RXRA: variants seen among roughly 807,000 people sequenced by gnomAD.
RXRA encodes the protein retinoic acid receptor RXR-alpha.
Under a neutral mutation model 44.5 loss-of-function variants are expected in RXRA, and 5 were observed. The observed-to-expected ratio is 0.11, with a 90% CI of 0.06 to 0.24. The LOEUF (loss-of-function observed/expected upper bound fraction) is 0.24, where lower values mean the gene tolerates loss of function less well. Among genes scored for constraint, RXRA ranks in the 10% least tolerant of loss-of-function variants. The pLI is 1.00. For missense variants in RXRA, 412 were observed against 646.5 expected, an observed-to-expected ratio of 0.64 and a Z score of 3.93; for synonymous variants, 291 against 271.4, an observed-to-expected ratio of 1.07 and a Z score of -0.71.
intron 1 of RXRA, among the ~76,000 whole-genome samples, chr9:134,361,782 G>A (rs1052823600): frequency 6.6e-6 from 1 of 152,158 alleles, no homozygotes; most frequent in African/African-American, 2.4e-5. Context: ...GTGACTGGGG[G>A]AGGCAGAATG....
Position 134,440,408 on chromosome 9 carries a change from C to G in RXRA, c.*3794C>G, listed in dbSNP as rs1226979681. On this transcript the variant is annotated 3_prime_UTR_variant, in exon 10 of 10. Transcript: ENST00000481739. ...GTGTCCTGTTGCCGGCTCTGGCCTTCCTGTGACTGACTGTGAAGTGGCTTC... is the reference window on the plus strand; with the variant it reads ...GTGTCCTGTTGCCGGCTCTGGCCTTGCTGTGACTGACTGTGAAGTGGCTTC... 1 of 152,582 alleles carries G rather than the reference C, an allele frequency of 6.6e-6. No homozygotes were observed. Among genetic ancestry groups the G allele is most frequent in the Non-Finnish European group, 1.5e-5 (1 of 68,076 alleles). The allele number at this position is 152,582 out of a possible 1,614,324, so 9.5% of individuals were successfully genotyped here. A position where few individuals can be genotyped will look rare whatever the true frequency, so the allele number is the denominator to read the frequency against.
chr9:134,375,826 C>CT (rs983736330), intron 1 of RXRA, among the ~76,000 whole-genome samples: 5 of 151,986 alleles, frequency 3.3e-5, no homozygotes, highest in African/African-American at 1.2e-4. Flanking sequence ...GTGTTAGTGG[C>CT]TGGGGGATGC....
chr9:134,371,671 G>A (rs1198063460), intron 1 of RXRA, among the ~76,000 whole-genome samples: 1 of 152,236 alleles, frequency 6.6e-6, no homozygotes, highest in Non-Finnish European at 1.5e-5. Context: ...CTGTGGCCTG[G>A]CCCTTGGGGT....
At chr9:134,329,843 A>G (rs1834975803) in intron 1 of RXRA, among the ~76,000 whole-genome samples, 1 of 152,148 alleles carries the variant, frequency 6.6e-6, no homozygotes, top group South Asian at 2.1e-4. Context: ...TCCCCTGGGA[A>G]AGGGTGCCTG....
chr9:134,366,015 GCTGCCTCCACCC>G lies in RXRA; in HGVS notation c.29-35602_29-35591del, dbSNP rs1471907012. Among the ~76,000 whole-genome samples the G allele has an allele frequency of 3.9e-5, 6 of 152,224 alleles. No individual in the cohort carries two copies. Among genetic ancestry groups the G allele is most frequent in the African/African-American group, 7.2e-5 (3 of 41,542 alleles). The stretch of plus-strand genomic sequence containing the variant: ...CAGGAGCCGCGGGGATCATCTGGCG[GCTGCCTCCACCC>G]CTGCCTCCACCCCTCCCTTTTTGGG... On this transcript the variant is annotated intron_variant, in intron 1 of 9. Transcript: ENST00000481739. This position sits in a 1 kb window ranked among gnomAD's most constrained non-coding sequence, Gnocchi z 5.9.
intron 1 of RXRA, among the ~76,000 whole-genome samples, chr9:134,375,621 C>T (rs934752364): frequency 1.7e-4 from 26 of 152,128 alleles, no homozygotes; most frequent in African/African-American, 5.3e-4. Context: ...GCTGGGAACA[C>T]GGGCCAGGGC....
At chr9:134,331,387 G>A (rs1336823253) in intron 1 of RXRA, among the ~76,000 whole-genome samples, 1 of 152,232 alleles carries the variant, frequency 6.6e-6, no homozygotes, top group East Asian at 1.9e-4. Flanking sequence ...TGTGGGGAGA[G>A]CGGGTGCGGA....
chr9:134,332,692 G>A (rs1367267541), intron 1 of RXRA, among the ~76,000 whole-genome samples: 2 of 152,170 alleles, frequency 1.3e-5, no homozygotes, highest in Non-Finnish European at 2.9e-5. Context: ...ATGGGTGCCC[G>A]GAGACTGGGG....
intron 6 of RXRA, chr9:134,422,268 C>G (rs759443108): frequency 1.6e-6 from 2 of 1,288,958 alleles, no homozygotes; most frequent in African/African-American, 3.0e-5. Context: ...GGACGCTCCC[C>G]GCTCCCAGGA....
intron 1 of RXRA, among the ~76,000 whole-genome samples, chr9:134,328,844 T>G (rs1263070247): frequency 2.0e-5 from 3 of 152,236 alleles, no homozygotes; most frequent in African/African-American, 7.2e-5. Flanking sequence ...CCTCCCAGCA[T>G]TCACTACCGC....
In RXRA at chr9:134,401,767, GCTCCCCCAT is replaced by G; in HGVS notation, c.166_174del (p.Ser56_Ile58del). On this transcript the variant is annotated inframe_deletion, in exon 2 of 10. Coordinates refer to ENST00000481739, the MANE Select transcript of RXRA (RefSeq NM_002957.6). ...CTGCATTCTCCCATCAGCACCCTGAGCTCCCCCATCAACGGCATGGGCCCGCCTTTCTCG... is the reference window on the plus strand; with the variant it reads ...CTGCATTCTCCCATCAGCACCCTGAGCAACGGCATGGGCCCGCCTTTCTCG... The G allele has an allele frequency of 6.2e-7, 1 of 1,613,198 alleles. No homozygotes were observed. Among genetic ancestry groups the G allele is most frequent in the Non-Finnish European group, 8.5e-7 (1 of 1,179,952 alleles).
In RXRA at chr9:134,326,580, C is replaced by CGCCCGCCGCCCGCTGCCTGCGCCGCCG. The variant is rs1199072194; in HGVS notation, c.-48_-22dup. On this transcript the variant is annotated 5_prime_UTR_variant, in exon 1 of 10. Coordinates refer to ENST00000481739, the MANE Select transcript of RXRA (RefSeq NM_002957.6). ...GGGCCGGCCGCGCCGGGGGCCGCCG[C>CGCCCGCCGCCCGCTGCCTGCGCCGCCG]GCCCGCCGCCCGCTGCCTGCGCCGC... 2.6e-4 allele frequency: 197 copies of CGCCCGCCGCCCGCTGCCTGCGCCGCCG among 769,026 alleles called. 1 individual carries two copies. The African/African-American group carries it at 3.5e-3, about 14-fold the overall frequency. 47.6% of individuals were successfully genotyped at this position (769,026 alleles called of 1,614,324 possible). A position where few individuals can be genotyped will look rare whatever the true frequency, so the allele number is the denominator to read the frequency against.
chr9:134,420,745 T>C (rs1422605757), intron 5 of RXRA, among the ~76,000 whole-genome samples: 4 of 152,158 alleles, frequency 2.6e-5, no homozygotes, highest in Admixed American at 6.5e-5. Context: ...GTCATCTGAG[T>C]TCCCATTGCT....
Position 134,422,288 on chromosome 9 carries a change from A to G in RXRA, c.910+483A>G, listed in dbSNP as rs762624974. 8.9e-6 allele frequency: 11 copies of G among 1,229,902 alleles called. No homozygotes were observed. The East Asian group carries it at 2.0e-4, about 22-fold the overall frequency. The allele number at this position is 1,229,902 out of a possible 1,614,324, so 76.2% of individuals were successfully genotyped here. On this transcript the variant is annotated intron_variant, in intron 6 of 9. Transcript: ENST00000481739. Reference sequence around the variant, plus strand: ...CTCCCCGCTCCCAGGACACACTCCTACTTCCTGGGACGCTCCCCTTTCCCG... The same window carrying G: ...CTCCCCGCTCCCAGGACACACTCCTGCTTCCTGGGACGCTCCCCTTTCCCG...
At chr9:134,397,939 G>A (rs1379713961) in intron 1 of RXRA, among the ~76,000 whole-genome samples, 1 of 152,096 alleles carries the variant, frequency 6.6e-6, no homozygotes, top group Non-Finnish European at 1.5e-5. Context: ...AAGACCAGCT[G>A]GTAACAAGTG....
chr9:134,435,427 C>G, intron 9 of RXRA, among the ~76,000 whole-genome samples: 1 of 148,732 alleles, frequency 6.7e-6, no homozygotes, highest in Non-Finnish European at 1.5e-5. Context: ...CAGGAAACTC[C>G]CCAGGGATGG....
In RXRA at chr9:134,426,068, G is replaced by A; in HGVS notation, c.911-3040G>A. ...CCTGAGCGTTTGGGCAGGGCCACGAGGGATCTGCAGGAGTAAGTTCCTTGG... is the reference window on the plus strand; with the variant it reads ...CCTGAGCGTTTGGGCAGGGCCACGAAGGATCTGCAGGAGTAAGTTCCTTGG... On this transcript the variant is annotated intron_variant, in intron 6 of 9. Coordinates refer to ENST00000481739, the MANE Select transcript of RXRA (RefSeq NM_002957.6). The surrounding 1 kb of genome is among the most constrained non-coding windows in gnomAD (Gnocchi z 4.6). 2 of 985,412 alleles carry A rather than the reference G, an allele frequency of 2.0e-6. No homozygotes were observed. Among genetic ancestry groups the A allele is most frequent in the Non-Finnish European group, 2.4e-6 (2 of 829,910 alleles). The allele number at this position is 985,412 out of a possible 1,614,324, so 61.0% of individuals were successfully genotyped here.
intron 6 of RXRA, chr9:134,425,691 C>G: frequency 1.0e-6 from 1 of 985,290 alleles, no homozygotes; most frequent in South Asian, 4.7e-5. Context: ...CTCCCCTGGT[C>G]TTGTTAATCC....
intron 2 of RXRA, chr9:134,403,650 C>T (rs1332769902): frequency 6.6e-6 from 1 of 152,588 alleles, no homozygotes; most frequent in Non-Finnish European, 1.5e-5. Flanking sequence ...TGCCTGGTGT[C>T]CTCCGCACTG....
Sources: gnomAD v4.1 joint callset for allele counts (sites outside exome capture counted in the v4.1 genomes callset) on GRCh38, gnomAD v4.1.1 for gene constraint, Gnocchi (gnomAD v3.1) non-coding constraint, MANE v1.5 for transcripts, NCBI Gene and HGNC (gene_info 2026-07-23, HGNC 2026-07-21) for gene names.